PARP6: variants seen among roughly 807,000 people sequenced by gnomAD.
PARP6 encodes poly(ADP-ribose) polymerase family member 6, also known as protein mono-ADP-ribosyltransferase PARP6.
Under a neutral mutation model 92.0 loss-of-function variants are expected in PARP6, and 27 were observed. The ratio of observed to expected loss-of-function variants is 0.29; its 90% CI spans 0.22 to 0.40. The LOEUF is 0.40. Ranked by LOEUF, PARP6 falls within the 10% of genes least tolerant of loss-of-function variation. PARP6 has a pLI of 1.00. For missense variants in PARP6, 501 were observed against 784.5 expected (o/e 0.64, Z 4.32); for synonymous variants, 272 against 281.2 (o/e 0.97, Z 0.33).
At chr15:72,256,234 G>A (rs1328412481) in intron 14 of PARP6, among the ~76,000 whole-genome samples, 2 of 152,184 alleles carry the variant, frequency 1.3e-5, no homozygotes, top group Non-Finnish European at 2.9e-5. Flanking sequence ...ATGGAATCCA[G>A]GTCTGTCTGG....
At chr15:72,247,953 TAG>T (rs1341301495) in intron 20 of PARP6, among the ~76,000 whole-genome samples, 1 of 151,874 alleles carries the variant, frequency 6.6e-6, no homozygotes, top group Non-Finnish European at 1.5e-5. Context: ...CTATTTTTAG[TAG>T]AGACAGGATT....
In PARP6 at chr15:72,241,851, A is replaced by AC. The variant is rs1344451208; in HGVS notation, c.1790+49dup. On this transcript the variant is annotated intron_variant, in intron 23 of 23. Transcript: ENST00000569795. This position sits in a 1 kb window ranked among gnomAD's most constrained non-coding sequence, Gnocchi z 4.1. Reference sequence around the variant, plus strand: ...TTTCCCAGTAGCCACACACCATCACACCCCCAACCTCACTCCTCGAGTAAT... The same window carrying AC: ...TTTCCCAGTAGCCACACACCATCACACCCCCCAACCTCACTCCTCGAGTAAT... 8.3e-6 allele frequency: 11 copies of AC among 1,331,760 alleles called. No homozygotes were observed. Among genetic ancestry groups the AC allele is most frequent in the Non-Finnish European group, 1.2e-5 (11 of 923,762 alleles). The allele number at this position is 1,331,760 out of a possible 1,614,324, so 82.5% of individuals were successfully genotyped here.
chr15:72,266,660 A>G, intron 4 of PARP6, 85 bp downstream of exon 4: 2 of 968,918 alleles, frequency 2.1e-6, no homozygotes, highest in South Asian at 2.6e-5. Flanking sequence ...TCTGTGCTCC[A>G]GAACCTCTTT....
intron 20 of PARP6, among the ~76,000 whole-genome samples, chr15:72,246,808 G>A (rs2083667541): frequency 6.6e-6 from 1 of 151,392 alleles, no homozygotes. Flanking sequence ...AGGCTGGAGT[G>A]CAATGGCGCA....
Position 72,261,549 on chromosome 15 carries a change from A to G in PARP6, c.545+9T>C, listed in dbSNP as rs2085895150. On this transcript the variant is annotated intron_variant, in intron 9 of 23. Transcript: ENST00000569795. ...TGTTTACAGATGATCAGCTTTAGGG[A>G]GCACTTACTTGGGGATGGGTGAAAA... The G allele has an allele frequency of 2.5e-6, 4 of 1,613,502 alleles. No homozygotes were observed. The highest frequency in any genetic ancestry group is 2.7e-5 in the African/African-American group (2 of 74,884).
chr15:72,251,368 G>T (rs1440924457), intron 16 of PARP6, 113 bp from the exon 17 acceptor site: 1 of 641,358 alleles, frequency 1.6e-6, no homozygotes, highest in Admixed American at 2.9e-5. Flanking sequence ...GGATTCCTGG[G>T]CTGTCCAAAT....
intron 20 of PARP6, among the ~76,000 whole-genome samples, chr15:72,245,964 G>C (rs943178418): frequency 6.6e-6 from 1 of 152,042 alleles, no homozygotes; most frequent in Non-Finnish European, 1.5e-5. Flanking sequence ...TTAATCAGAG[G>C]GATGCTTAGG....
chr15:72,258,267 T>G (rs2085390849), intron 11 of PARP6, 135 bp from the exon 12 acceptor site: 2 of 677,314 alleles, frequency 3.0e-6, no homozygotes, highest in South Asian at 3.3e-5. Context: ...TCTTAGGCTG[T>G]GTACTTAAAC....
intron 11 of PARP6, among the ~76,000 whole-genome samples, chr15:72,258,703 T>C (rs993655921): frequency 9.2e-5 from 14 of 152,164 alleles, no homozygotes; most frequent in African/African-American, 3.1e-4. Context: ...CCAGAGCTAA[T>C]GCAGCAATAT....
Position 72,249,212 on chromosome 15 carries a change from A to G in PARP6, c.1561+33T>C, listed in dbSNP as rs564436390. 23 of 1,309,680 alleles carry G rather than the reference A, an allele frequency of 1.8e-5. No homozygotes were observed. The South Asian group carries it at 2.1e-4, about 12-fold the overall frequency. The allele number at this position is 1,309,680 out of a possible 1,614,324, so 81.1% of individuals were successfully genotyped here. On this transcript the variant is annotated intron_variant, in intron 20 of 23. Transcript: ENST00000569795. ...GTATTCACAAATGGAGGCAATGTAAATAGAGTCAAGGTGGCCACAGAATAT... is the reference window on the plus strand; with the variant it reads ...GTATTCACAAATGGAGGCAATGTAAGTAGAGTCAAGGTGGCCACAGAATAT...
Position 72,272,529 on chromosome 15 carries a change from A to G in PARP6, c.-596T>C, listed in dbSNP as rs1260467374. 1.3e-5 allele frequency: 2 copies of G among 150,682 alleles called. No individual in the cohort carries two copies. The highest frequency in any genetic ancestry group is 2.4e-5 in the African/African-American group (1 of 41,210). The allele number at this position is 150,682 out of a possible 1,614,324, so 9.3% of individuals were successfully genotyped here. A position where few individuals can be genotyped will look rare whatever the true frequency, so the allele number is the denominator to read the frequency against. On this transcript the variant is annotated 5_prime_UTR_variant, in exon 1 of 24. Coordinates refer to ENST00000569795, the MANE Select transcript of PARP6 (RefSeq NM_001323532.2). Reference sequence around the variant, plus strand: ...GCGACCCCGGGCCGCGCGCGGCCGCAGCCGACGGGACGAGCGGCCCGGGAC... The same window carrying G: ...GCGACCCCGGGCCGCGCGCGGCCGCGGCCGACGGGACGAGCGGCCCGGGAC...
At chr15:72,248,911 T>C (rs2083967500) in intron 20 of PARP6, among the ~76,000 whole-genome samples, 1 of 152,228 alleles carries the variant, frequency 6.6e-6, no homozygotes, top group African/African-American at 2.4e-5. Context: ...AACTTACATG[T>C]ACAAGTATAC....
intron 16 of PARP6, 28 bp from the exon 17 acceptor site, chr15:72,251,283 G>A: frequency 6.8e-7 from 1 of 1,461,890 alleles, no homozygotes. Flanking sequence ...AAAATAAAAA[G>A]GATAGAATAA....
intron 19 of PARP6, 42 bp downstream of exon 19, chr15:72,249,978 A>G: frequency 7.8e-7 from 1 of 1,284,974 alleles, no homozygotes; most frequent in South Asian, 1.2e-5. Context: ...TGAGTAGGGA[A>G]GGGAGCGGTT....
rs1266110486 is a variant in PARP6, at chr15:72,271,059, TG to T, written c.-232del. 7.4e-6 allele frequency: 1 copy of T among 135,220 alleles called. No individual in the cohort carries two copies. Among genetic ancestry groups the T allele is most frequent in the Non-Finnish European group, 1.6e-5 (1 of 60,706 alleles). The allele number at this position is 135,220 out of a possible 1,614,324, so 8.4% of individuals were successfully genotyped here. A position where few individuals can be genotyped will look rare whatever the true frequency, so the allele number is the denominator to read the frequency against. ...GCTGAGATCCAGAATGTGAAGATCT[TG>T]GGGTGAGGTTCGTGAGATTTGAAAA... On this transcript the variant is annotated 5_prime_UTR_variant, in exon 2 of 24. Transcript: ENST00000569795.
intron 14 of PARP6, 88 bp from the exon 15 acceptor site, chr15:72,254,608 A>ATT (rs2084821979): frequency 1.0e-6 from 1 of 958,282 alleles, no homozygotes; most frequent in Admixed American, 1.9e-5. Context: ...ATGTACCAAA[A>ATT]AAGTCTAGGC....
chr15:72,242,090 G>A lies in PARP6; in HGVS notation c.1705+67C>T. 14 of 1,512,254 alleles carry A rather than the reference G, an allele frequency of 9.3e-6. No homozygotes were observed. The highest frequency in any genetic ancestry group is 1.3e-5 in the Non-Finnish European group (14 of 1,087,498). The allele number at this position is 1,512,254 out of a possible 1,614,324, so 93.7% of individuals were successfully genotyped here. The stretch of plus-strand genomic sequence containing the variant: ...TCAACATCACTCTTGGCCAGATCAT[G>A]TGCCAAAATTACATCAGAAACAAAG... On this transcript the variant is annotated intron_variant, in intron 22 of 23. Transcript: ENST00000569795. The surrounding 1 kb of genome is among the most constrained non-coding windows in gnomAD (Gnocchi z 4.3).
At chr15:72,249,077 A>G in intron 20 of PARP6, 168 bp downstream of exon 20, 1 of 424,160 alleles carries the variant, frequency 2.4e-6, no homozygotes, top group Non-Finnish European at 4.2e-6. Flanking sequence ...AAGAATCTAA[A>G]TTTCTAATAA....
chr15:72,257,099 T>C (rs1210433033), intron 13 of PARP6, among the ~76,000 whole-genome samples: 2 of 152,334 alleles, frequency 1.3e-5, no homozygotes, highest in South Asian at 2.1e-4. Context: ...TGCTTTTTTA[T>C]ATGACTATGT....
Sources: allele counts gnomAD v4.1 joint callset (sites outside exome capture counted in the v4.1 genomes callset), GRCh38; gene constraint gnomAD v4.1.1; non-coding constraint Gnocchi (gnomAD v3.1); transcripts MANE v1.5; gene names NCBI Gene and HGNC (gene_info 2026-07-23, HGNC 2026-07-21).